The following MAST2 variants were observed in gnomAD, a reference collection of about 807,000 sequenced individuals.
MAST2 encodes the protein microtubule associated serine/threonine kinase 2, also known as microtubule-associated serine/threonine-protein kinase 2.
MAST2 carries 70 observed loss-of-function variants against 147.4 expected under a neutral mutation model. The ratio of observed to expected loss-of-function variants is 0.47; its 90% CI spans 0.39 to 0.58. The LOEUF (loss-of-function observed/expected upper bound fraction) is 0.58. Ranked by LOEUF, MAST2 falls within the 20% of genes least tolerant of loss-of-function variation. The pLI, the probability that MAST2 is intolerant of heterozygous loss-of-function variation, is 0.00. For synonymous variants in MAST2, 869 were observed against 896.8 expected (o/e 0.97, Z 0.55); for missense variants, 2,080 against 2,302.3 (o/e 0.90, Z 1.98).
intron 4 of MAST2, among the ~76,000 whole-genome samples, chr1:45,887,019 G>A (rs1271044466): frequency 6.6e-6 from 1 of 152,028 alleles, no homozygotes; most frequent in African/African-American, 2.4e-5. Flanking sequence ...GTAGAGATGG[G>A]GTTTCACTAT....
Position 46,031,659 on chromosome 1 carries a change from C to T in MAST2, c.3187+74C>T. On this transcript the variant is annotated intron_variant, in intron 24 of 28. Transcript: ENST00000361297. This position sits in a 1 kb window ranked among gnomAD's most constrained non-coding sequence, Gnocchi z 4.1. ...ATCTCTAGGCCTTGGGAGGGTTCTG[C>T]ACGTGGCAGGTGTGTGTGTGTGTGT... 1.4e-6 allele frequency: 2 copies of T among 1,430,506 alleles called. No homozygotes were observed. The highest frequency in any genetic ancestry group is 9.5e-7 in the Non-Finnish European group (1 of 1,047,534). The allele number at this position is 1,430,506 out of a possible 1,614,324, so 88.6% of individuals were successfully genotyped here.
intron 3 of MAST2, among the ~76,000 whole-genome samples, chr1:45,866,791 G>C (rs1450567351): frequency 2.0e-5 from 3 of 151,790 alleles, no homozygotes; most frequent in African/African-American, 7.3e-5. Flanking sequence ...ACCCAGGCTG[G>C]AGGTGCAGTG....
At chr1:45,981,173 A>G (rs1490715615) in intron 5 of MAST2, among the ~76,000 whole-genome samples, 1 of 151,928 alleles carries the variant, frequency 6.6e-6, no homozygotes, top group East Asian at 1.9e-4. Context: ...CCATGTTCAA[A>G]TGATTCTCCC....
At chr1:45,907,944 A>G (rs1044194563) in intron 4 of MAST2, among the ~76,000 whole-genome samples, 3 of 152,122 alleles carry the variant, frequency 2.0e-5, no homozygotes, top group Admixed American at 2.0e-4. Context: ...ATTGGCATAA[A>G]TTGTTCCTGC....
intron 10 of MAST2, 101 bp downstream of exon 10, chr1:46,011,040 C>T (rs1476973636): frequency 2.0e-6 from 2 of 1,004,958 alleles, no homozygotes; most frequent in African/African-American, 3.2e-5. Context: ...TCAGTCTTCA[C>T]AGACTGCTTG....
Position 45,803,662 on chromosome 1 carries a change from G to T in MAST2, c.-234G>T. ...GGGTGGCCTGCCCAACGTGTGCTGG[G>T]TGGGAGAAGGCGAGGCGTCAGCGAT... On this transcript the variant is annotated 5_prime_UTR_variant, in exon 1 of 29. Coordinates refer to ENST00000361297, the MANE Select transcript of MAST2 (RefSeq NM_015112.3). The T allele has an allele frequency of 3.3e-6, 1 of 302,956 alleles. No individual in the cohort carries two copies. The highest frequency in any genetic ancestry group is 5.1e-5 in the Admixed American group (1 of 19,586). The allele number at this position is 302,956 out of a possible 1,614,324, so 18.8% of individuals were successfully genotyped here.
intron 4 of MAST2, among the ~76,000 whole-genome samples, chr1:45,939,651 G>T (rs1310786225): frequency 6.6e-6 from 1 of 151,750 alleles, no homozygotes; most frequent in African/African-American, 2.4e-5. Context: ...AGTGATTCTT[G>T]TGCCTCAGCC....
At chr1:45,907,578 T>C (rs921302831) in intron 4 of MAST2, among the ~76,000 whole-genome samples, 2 of 151,810 alleles carry the variant, frequency 1.3e-5, no homozygotes, top group African/African-American at 2.4e-5. Flanking sequence ...GTGCCTCAAC[T>C]TCTGGCATTT....
At chr1:45,997,343 C>T (rs1246299028) in intron 5 of MAST2, among the ~76,000 whole-genome samples, 1 of 152,162 alleles carries the variant, frequency 6.6e-6, no homozygotes, top group Non-Finnish European at 1.5e-5. Context: ...ATTAGGGGTC[C>T]TGTTGCCCTT....
At chr1:46,025,627 TAGAGCAGGGAACTGAATCCTTTCCTC>T in intron 15 of MAST2, 24 bp from the exon 16 acceptor site, 1 of 1,611,320 alleles carries the variant, frequency 6.2e-7, no homozygotes, top group Non-Finnish European at 8.5e-7. Context: ...GCTGGCTAGC[TAGAGCAGGGAACTGAATCCTTTCCTC>T]ATGGTAGCCT....
At chr1:45,851,363 C>T (rs1645619660) in intron 3 of MAST2, among the ~76,000 whole-genome samples, 1 of 152,088 alleles carries the variant, frequency 6.6e-6, no homozygotes, top group African/African-American at 2.4e-5. Flanking sequence ...TTCCAGGAGC[C>T]TTTGGCGGAG....
Position 45,939,543 on chromosome 1 carries a change from G to GC in MAST2, c.501-19843_501-19842insC, listed in dbSNP as rs959689396. 2.0e-4 allele frequency among the ~76,000 whole-genome samples: 25 copies of GC among 127,234 alleles called. No homozygotes were observed. In the South Asian group the frequency reaches 3.2e-3, roughly 16 times the overall value. The allele number at this position is 127,234 out of a possible 152,430, so 83.5% of individuals were successfully genotyped here. ...AGGATCAATTTTTCAATTTTTTTTT[G>GC]GGGGGGTGGGGTCGCAGGGGACAGT... On this transcript the variant is annotated intron_variant, in intron 4 of 28. Transcript: ENST00000361297.
At chr1:45,834,081 T>A (rs1202138823) in intron 3 of MAST2, among the ~76,000 whole-genome samples, 3 of 152,144 alleles carry the variant, frequency 2.0e-5, no homozygotes, top group Non-Finnish European at 4.4e-5. Context: ...TTCTGAAAAA[T>A]CTTAACTAGA....
Position 45,836,549 on chromosome 1 carries a change from C to T in MAST2, c.468+6968C>T, listed in dbSNP as rs565642742. 1.5e-3 allele frequency among the ~76,000 whole-genome samples: 226 copies of T among 152,130 alleles called. 1 individual carries two copies. Among genetic ancestry groups the T allele is most frequent in the South Asian group, 7.7e-3 (37 of 4,822 alleles). On this transcript the variant is annotated intron_variant, in intron 3 of 28. Transcript: ENST00000361297. ...AGTTCAAAGAGGAAAAACCCATAGACGTTTGTTTTACCTACTTCAGTATTA... is the reference window on the plus strand; with the variant it reads ...AGTTCAAAGAGGAAAAACCCATAGATGTTTGTTTTACCTACTTCAGTATTA...
chr1:45,948,896 T>C (rs968745775), intron 4 of MAST2, among the ~76,000 whole-genome samples: 2 of 152,004 alleles, frequency 1.3e-5, no homozygotes, highest in South Asian at 2.1e-4. Context: ...GAGCCTATTT[T>C]AAAAATCAGG....
intron 3 of MAST2, among the ~76,000 whole-genome samples, chr1:45,870,143 C>G (rs916679456): frequency 1.3e-5 from 2 of 152,100 alleles, no homozygotes; most frequent in African/African-American, 4.8e-5. Flanking sequence ...AGGCTAGTCT[C>G]GAATTCCTGA....
At chr1:45,967,631 A>T (rs1482102650) in intron 5 of MAST2, among the ~76,000 whole-genome samples, 1 of 152,188 alleles carries the variant, frequency 6.6e-6, no homozygotes, top group Non-Finnish European at 1.5e-5. Context: ...TAGGCTGAGG[A>T]AGATTAAGGA....
At chr1:46,026,693 C>T (rs1052748417) in intron 16 of MAST2, among the ~76,000 whole-genome samples, 7 of 151,904 alleles carry the variant, frequency 4.6e-5, no homozygotes, top group African/African-American at 1.7e-4. Context: ...GAAAGAGGAT[C>T]AGGCTGGGGT....
rs71587722 is a variant in MAST2, at chr1:45,888,663, C to CTTTTTTTTTTTTTTTTTTTTTT, written c.500+6283_500+6304dup. ...AGGCGTGAGCCACCGCGCGCGGCCT[C>CTTTTTTTTTTTTTTTTTTTTTT]TTTTTTTTTTTTTTTTTTTTTTTTT... is the stretch of plus-strand genomic sequence containing the variant. On this transcript the variant is annotated intron_variant, in intron 4 of 28. Coordinates refer to ENST00000361297, the MANE Select transcript of MAST2 (RefSeq NM_015112.3). Among the ~76,000 whole-genome samples the CTTTTTTTTTTTTTTTTTTTTTT allele has an allele frequency of 4.1e-4, 20 of 48,724 alleles. 1 individual carries two copies. Among genetic ancestry groups the CTTTTTTTTTTTTTTTTTTTTTT allele is most frequent in the East Asian group, 5.9e-4 (1 of 1,708 alleles). 32.0% of individuals were successfully genotyped at this position (48,724 alleles called of 152,430 possible).
Sources: allele counts gnomAD v4.1 joint callset (sites outside exome capture counted in the v4.1 genomes callset), GRCh38; gene constraint gnomAD v4.1.1; non-coding constraint Gnocchi (gnomAD v3.1); transcripts MANE v1.5; gene names NCBI Gene and HGNC (gene_info 2026-07-23, HGNC 2026-07-21).